The following NAF1 variants were observed in gnomAD, a reference collection of about 807,000 sequenced individuals.
NAF1 encodes the protein H/ACA ribonucleoprotein complex non-core subunit NAF1.
A neutral mutation model predicts 40.6 loss-of-function variants in NAF1; 11 were observed. That is an observed-to-expected ratio of 0.27 (90% CI 0.17 to 0.45). The LOEUF (loss-of-function observed/expected upper bound fraction) is 0.45, where lower values mean the gene tolerates loss of function less well. NAF1 is among the 20% of genes least tolerant of loss of function. The probability of loss-of-function intolerance (pLI) is 1.00; values close to 1 mark genes in which losing one functional copy is unlikely to be tolerated. For missense variants in NAF1, 607 were observed against 611.1 expected, an observed-to-expected ratio of 0.99 and a Z score of 0.07; for synonymous variants, 260 against 228.5, an observed-to-expected ratio of 1.14 and a Z score of -1.24.
chr4:163,137,344 A>T, intron 5 of NAF1, 94 bp from the exon 6 acceptor site: 1 of 1,328,008 alleles, frequency 7.5e-7, no homozygotes, highest in Non-Finnish European at 1.0e-6. Flanking sequence ...AAAGTAAAGG[A>T]CATGAGTTCA....
At chr4:163,164,016 C>G (rs1260466452) in intron 2 of NAF1, among the ~76,000 whole-genome samples, 1 of 152,102 alleles carries the variant, frequency 6.6e-6, no homozygotes, top group African/African-American at 2.4e-5. Flanking sequence ...CAAAGGTCAG[C>G]AGAGTTAGAA....
chr4:163,140,294 T>C lies in NAF1; in HGVS notation c.807A>G (p.Ile269Met). 1 of 1,608,906 alleles carries C rather than the reference T, an allele frequency of 6.2e-7. No homozygotes were observed. Among genetic ancestry groups the C allele is most frequent in the Non-Finnish European group, 8.5e-7 (1 of 1,177,590 alleles). The change falls in exon 5 of 8, where the codon ATA becomes ATG. Residue 269 changes from isoleucine to methionine, a missense_variant. This residue lies in a region of NAF1 where 407 missense variants were observed against 365.5 expected (regional missense o/e 1.11). Coordinates refer to ENST00000274054, the MANE Select transcript of NAF1 (RefSeq NM_138386.3). ...ATGGAGCAAAATACATAGTCTCCTT[T>C]ATTTTAATACCTTTACTCTCAATGT... ...SDHIESKGIK[I>M]KETMYFAPSM... is the part of the protein sequence containing the mutation.
chr4:163,120,902 T>C (rs1395402915), intron 2 of NAF1, among the ~76,000 whole-genome samples: 1 of 151,968 alleles, frequency 6.6e-6, no homozygotes, highest in Non-Finnish European at 1.5e-5. Context: ...GATTTATTTA[T>C]TTTTTTTGAG....
At chr4:163,158,320 C>CTTA (rs1732075552) in intron 2 of NAF1, 1 of 151,458 alleles carries the variant, frequency 6.6e-6, no homozygotes, top group Non-Finnish European at 1.5e-5. Context: ...TTTTTTTTTT[C>CTTA]TCTATAGCTG....
At chr4:163,148,872 T>TA (rs1230272426) in intron 2 of NAF1, among the ~76,000 whole-genome samples, 1 of 152,142 alleles carries the variant, frequency 6.6e-6, no homozygotes, top group East Asian at 1.9e-4. Flanking sequence ...TGACTGTGAT[T>TA]AAACAGAACA....
chr4:163,166,330 T>C, intron 1 of NAF1, 33 bp downstream of exon 1: 1 of 1,541,388 alleles, frequency 6.5e-7, no homozygotes, highest in Non-Finnish European at 8.7e-7. Context: ...ACAAGACCTC[T>C]CCCCACAGCT....
At chr4:163,121,576 C>A (rs183872163) in intron 2 of NAF1, among the ~76,000 whole-genome samples, 271 of 152,210 alleles carry the variant, frequency 1.8e-3, no homozygotes, top group Non-Finnish European at 2.9e-3. Context: ...AACATTTAGA[C>A]CTCAGAGATT....
intron 2 of NAF1, among the ~76,000 whole-genome samples, chr4:163,155,861 T>C (rs1731964869): frequency 6.6e-6 from 1 of 151,980 alleles, no homozygotes; most frequent in Admixed American, 6.6e-5. Flanking sequence ...TGTGGGACAT[T>C]ACCACTCTGG....
At chr4:163,123,321 C>T (rs540500250), downstream of NAF1, among the ~76,000 whole-genome samples, 38 of 152,344 alleles carry the variant, frequency 2.5e-4, no homozygotes, top group African/African-American at 7.7e-4. Flanking sequence ...AACACCTCCA[C>T]GAGGATCACA....
chr4:163,153,408 T>C (rs1460382821), intron 2 of NAF1, among the ~76,000 whole-genome samples: 1 of 152,200 alleles, frequency 6.6e-6, no homozygotes, highest in Non-Finnish European at 1.5e-5. Flanking sequence ...GGTTTGTAAG[T>C]GCACCAATCG....
intron 2 of NAF1, among the ~76,000 whole-genome samples, chr4:163,119,168 T>C (rs1302009933): frequency 1.3e-5 from 2 of 152,168 alleles, no homozygotes; most frequent in African/African-American, 2.4e-5. Context: ...TCCTTTTCTG[T>C]TGTTGTTGCG....
At chr4:163,114,888 T>A (rs1362879836) in intron 2 of NAF1, among the ~76,000 whole-genome samples, 1 of 152,182 alleles carries the variant, frequency 6.6e-6, no homozygotes, top group African/African-American at 2.4e-5. Context: ...TTCCATATGG[T>A]TTCTACTTAA....
chr4:163,154,805 A>T (rs748577259), intron 2 of NAF1, among the ~76,000 whole-genome samples: 6 of 151,476 alleles, frequency 4.0e-5, no homozygotes, highest in Non-Finnish European at 5.9e-5. Context: ...TGGGAGATGG[A>T]GGTTGCAGTG....
rs2111081561 is a variant in NAF1 at position 163,166,525 on chromosome 4, T to G, written c.203A>C (p.Gln68Pro). The G allele has an allele frequency of 2.5e-6, 4 of 1,593,918 alleles. No individual in the cohort carries two copies. The South Asian group carries it at 4.5e-5, about 18-fold the overall frequency. Residue 68 changes from glutamine (Q) to proline (P), a missense_variant, in exon 1 of 8, where the codon CAG becomes CCG. Gln to Pro is a moderately conservative substitution (Grantham distance 76). This residue lies in a region of NAF1 where 407 missense variants were observed against 365.5 expected (regional missense o/e 1.11). Transcript: ENST00000274054. ...GGCCGCGACGGCGTTCAGAACGGGC[T>G]GCAGAGGCTGCTCCCCGGCAGGCTT... ...EVKPAGEQPL[Q>P]PVLNAVAAGT...
At chr4:163,144,894 A>G (rs1237773271) in intron 4 of NAF1, among the ~76,000 whole-genome samples, 1 of 152,200 alleles carries the variant, frequency 6.6e-6, no homozygotes, top group African/African-American at 2.4e-5. Context: ...GTATTTTCAG[A>G]TTAAAATTGT....
chr4:163,116,851 A>C (rs942708261), intron 2 of NAF1, among the ~76,000 whole-genome samples: 5 of 152,176 alleles, frequency 3.3e-5, no homozygotes, highest in African/African-American at 1.2e-4. Context: ...CATTCAAACC[A>C]TCAATAAAGC....
chr4:163,129,385 T>TAA, intron 7 of NAF1, 37 bp from the exon 8 acceptor site: 2 of 1,537,652 alleles, frequency 1.3e-6, no homozygotes, highest in Non-Finnish European at 1.8e-6. Flanking sequence ...AAAAGGAAAA[T>TAA]AAGTTTAATA....
At chr4:163,145,175 G>A (rs1173631149) in intron 4 of NAF1, among the ~76,000 whole-genome samples, 5 of 152,160 alleles carry the variant, frequency 3.3e-5, no homozygotes, top group Non-Finnish European at 7.3e-5. Context: ...AAAGTGCACA[G>A]TTTTCTACAT....
In NAF1 at chr4:163,133,134, T is replaced by C. The variant is rs1382052979; in HGVS notation, c.1033+20A>G. ...TGTAAATGAAGATAAAGAACGAGTA[T>C]ATATATTGTATTCACTCACCAGGCT... On this transcript the variant is annotated intron_variant, in intron 7 of 7. Coordinates refer to ENST00000274054, the MANE Select transcript of NAF1 (RefSeq NM_138386.3). 1.3e-6 allele frequency: 2 copies of C among 1,542,872 alleles called. No homozygotes were observed. The highest frequency in any genetic ancestry group is 1.1e-5 in the South Asian group (1 of 89,568).
Sources: allele counts gnomAD v4.1 joint callset (sites outside exome capture counted in the v4.1 genomes callset), GRCh38; gene constraint gnomAD v4.1.1; regional missense constraint gnomAD v4.1.1; transcripts MANE v1.5; gene names NCBI Gene and HGNC (gene_info 2026-07-23, HGNC 2026-07-21).